ROBO2: variants seen among roughly 807,000 people sequenced by gnomAD.
ROBO2 encodes roundabout guidance receptor 2.
Under a neutral mutation model 160.8 loss-of-function variants are expected in ROBO2, and 53 were observed. The ratio of observed to expected loss-of-function variants is 0.33; its 90% CI spans 0.26 to 0.41. ROBO2 has a LOEUF of 0.41. Among genes scored for constraint, ROBO2 ranks in the 10% least tolerant of loss-of-function variants. The pLI is 1.00. For missense variants in ROBO2, 1,577 were observed against 1,722.4 expected, an observed-to-expected ratio of 0.92 and a Z score of 1.49; for synonymous variants, 664 against 611.7, an observed-to-expected ratio of 1.09 and a Z score of -1.26.
chr3:76,360,091 G>C (rs2075417242), intron 2 of ROBO2, among the ~76,000 whole-genome samples: 1 of 152,050 alleles, frequency 6.6e-6, no homozygotes, highest in Non-Finnish European at 1.5e-5. Flanking sequence ...AATTGGGACA[G>C]AGATGTGGCT....
intron 2 of ROBO2, among the ~76,000 whole-genome samples, chr3:77,250,584 G>T (rs1180098469): frequency 1.3e-5 from 2 of 152,210 alleles, no homozygotes; most frequent in African/African-American, 4.8e-5. Flanking sequence ...ACACATCCAT[G>T]TGTTAACTGA....
chr3:77,236,713 C>G (rs1359659612), intron 2 of ROBO2, among the ~76,000 whole-genome samples: 6 of 152,154 alleles, frequency 3.9e-5, no homozygotes, highest in Admixed American at 2.6e-4. Flanking sequence ...TTCCACTAAC[C>G]CTTGCCCCCT....
At chr3:75,931,566 G>A (rs1947538744) in intron 1 of ROBO2, among the ~76,000 whole-genome samples, 1 of 152,036 alleles carries the variant, frequency 6.6e-6, no homozygotes, top group Non-Finnish European at 1.5e-5. Flanking sequence ...TGATCAGACT[G>A]GTCTTAAACT....
chr3:76,151,474 T>G, intron 2 of ROBO2, among the ~76,000 whole-genome samples: 1 of 152,196 alleles, frequency 6.6e-6, no homozygotes, highest in East Asian at 1.9e-4. Flanking sequence ...TATGATGAGC[T>G]AATATTTGCC....
rs537656785 is a variant in ROBO2 at position 76,254,464 on chromosome 3, G to C, written c.109+316862G>C. 7.8e-4 allele frequency among the ~76,000 whole-genome samples: 118 copies of C among 152,196 alleles called. 1 individual carries two copies. The South Asian group carries it at 0.02, about 26-fold the overall frequency. On this transcript the variant is annotated intron_variant, in intron 2 of 26. Transcript: ENST00000487694. ...AATTTTTCCAGCGTGTAAATGCAGA[G>C]TCAGTCAGAGACTTAGGGAACTGCT...
intron 2 of ROBO2, among the ~76,000 whole-genome samples, chr3:76,862,595 T>C (rs2070909560): frequency 6.6e-6 from 1 of 152,048 alleles, no homozygotes; most frequent in Non-Finnish European, 1.5e-5. Flanking sequence ...GTTCAGATTC[T>C]CTCTGTGTCC....
chr3:76,845,319 G>A (rs968440473), intron 2 of ROBO2, among the ~76,000 whole-genome samples: 8 of 151,842 alleles, frequency 5.3e-5, no homozygotes, highest in African/African-American at 1.9e-4. Flanking sequence ...ATTATGAAAG[G>A]AGAATAAAAT....
At chr3:77,340,127 T>C (rs886443288) in intron 2 of ROBO2, among the ~76,000 whole-genome samples, 1 of 152,120 alleles carries the variant, frequency 6.6e-6, no homozygotes, top group Non-Finnish European at 1.5e-5. Context: ...AGTGGTAAGA[T>C]TGCTCAATTC....
chr3:77,055,074 A>G (rs1291866840), intron 1 of ROBO2, among the ~76,000 whole-genome samples: 1 of 152,022 alleles, frequency 6.6e-6, no homozygotes, highest in East Asian at 1.9e-4. Flanking sequence ...CATTCTTTAA[A>G]AAAAAAAACT....
At chr3:77,372,059 T>G (rs2071834700) in intron 2 of ROBO2, among the ~76,000 whole-genome samples, 1 of 152,118 alleles carries the variant, frequency 6.6e-6, no homozygotes, top group Admixed American at 6.6e-5. Flanking sequence ...AGTTCTGTAT[T>G]GTCCTGTGAA....
intron 2 of ROBO2, among the ~76,000 whole-genome samples, chr3:76,922,948 T>C (rs571967658): frequency 9.2e-5 from 14 of 152,352 alleles, no homozygotes; most frequent in Non-Finnish European, 1.9e-4. Flanking sequence ...ATGTTTTCAA[T>C]CTTCTCATGA....
At chr3:76,706,517 A>G (rs141604150) in intron 2 of ROBO2, among the ~76,000 whole-genome samples, 3,198 of 152,014 alleles carry the variant, frequency 0.021, 116 homozygotes, top group African/African-American at 0.07. Context: ...ACTCAGTACT[A>G]TAGAATGTCA....
Position 77,577,817 on chromosome 3 carries a change from T to C in ROBO2, c.2328+203T>C, listed in dbSNP as rs369131417. 5.6e-4 allele frequency among the ~76,000 whole-genome samples: 85 copies of C among 152,220 alleles called. No individual in the cohort carries two copies. In the South Asian group the frequency reaches 0.017, roughly 30 times the overall value. ...AAGGTCAGAGATCACACAAACCCAG[T>C]TGAACAATTAAACCACACCAGTGAA... On this transcript the variant is annotated intron_variant, in intron 15 of 25. Coordinates refer to ENST00000461745, the Ensembl canonical transcript of ROBO2.
intron 2 of ROBO2, among the ~76,000 whole-genome samples, chr3:76,735,927 T>C (rs1306286477): frequency 6.6e-6 from 1 of 151,988 alleles, no homozygotes; most frequent in Non-Finnish European, 1.5e-5. Context: ...ACCCCTATTT[T>C]ATTTATCTTA....
chr3:77,096,669 C>T (rs868641297), intron 1 of ROBO2, among the ~76,000 whole-genome samples: 1 of 151,962 alleles, frequency 6.6e-6, no homozygotes, highest in Non-Finnish European at 1.5e-5. Flanking sequence ...AGGCTGGTCT[C>T]GAACTCCTGA....
chr3:76,216,228 G>A (rs1055662035), intron 2 of ROBO2, among the ~76,000 whole-genome samples: 16 of 152,228 alleles, frequency 1.1e-4, no homozygotes, highest in Admixed American at 3.3e-4. Flanking sequence ...AAAGATCGTC[G>A]AGGCTAGGAA....
chr3:77,191,763 C>A (rs1292014304), intron 2 of ROBO2, among the ~76,000 whole-genome samples: 1 of 152,052 alleles, frequency 6.6e-6, no homozygotes, highest in Non-Finnish European at 1.5e-5. Context: ...TAAACAAGTC[C>A]CCAGGGCTTC....
intron 2 of ROBO2, among the ~76,000 whole-genome samples, chr3:76,919,005 C>T (rs1156707259): frequency 6.6e-6 from 1 of 151,304 alleles, no homozygotes; most frequent in African/African-American, 2.4e-5. Flanking sequence ...TCCTTTGCCA[C>T]TTTTAATGGG....
At chr3:76,627,604 A>C (rs1374848) in intron 2 of ROBO2, among the ~76,000 whole-genome samples, 96,238 of 152,042 alleles carry the variant, frequency 0.63, 30,756 homozygotes, top group East Asian at 0.74. Flanking sequence ...TTGTGCATAA[A>C]TAATAAAATT....
Sources: gnomAD v4.1 joint callset for allele counts (sites outside exome capture counted in the v4.1 genomes callset) on GRCh38, gnomAD v4.1.1 for gene constraint, MANE v1.5 for transcripts, NCBI Gene and HGNC (gene_info 2026-07-23, HGNC 2026-07-21) for gene names.